Variants in BANK1 observed in about 807,000 individuals in gnomAD.
BANK1 encodes the protein B-cell scaffold protein with ankyrin repeats.
A neutral mutation model predicts 94.5 loss-of-function variants in BANK1; 95 were observed. The observed-to-expected ratio is 1.00, with a 90% CI of 0.85 to 1.19. BANK1 has a LOEUF of 1.19. Among genes scored for constraint, BANK1 ranks in the 50% most tolerant of loss-of-function variants. BANK1 has a pLI of 0.00. For missense variants in BANK1, 987 were observed against 932.2 expected, an observed-to-expected ratio of 1.06 and a Z score of -0.77; for synonymous variants, 334 against 308.4, an observed-to-expected ratio of 1.08 and a Z score of -0.87.
chr4:101,797,192 A>T (rs906587539), intron 1 of BANK1, among the ~76,000 whole-genome samples: 1 of 150,044 alleles, frequency 6.7e-6, no homozygotes, highest in Admixed American at 6.6e-5. Context: ...TGACAGGAAC[A>T]AATTAATAAA....
At chr4:101,933,707 G>A (rs992471537) in intron 7 of BANK1, among the ~76,000 whole-genome samples, 2 of 151,536 alleles carry the variant, frequency 1.3e-5, no homozygotes, top group African/African-American at 4.8e-5. Context: ...CATCAACTGT[G>A]TAGCAGTGGA....
At chr4:102,012,870 C>T (rs1392106387) in intron 7 of BANK1, among the ~76,000 whole-genome samples, 1 of 151,956 alleles carries the variant, frequency 6.6e-6, no homozygotes, top group Non-Finnish European at 1.5e-5. Flanking sequence ...TAAATGTAAA[C>T]CTGGGTTCCT....
At position 102,021,528 on chromosome 4, in the gene BANK1, CATAA is replaced by C; in HGVS notation, c.1226_1229del (p.Asn409MetfsTer64). ...ATTTTTTTCAGATCCAAGAAATTGA[CATAA>C]ATAATGAGCAAGAAAATGATTATGA... On this transcript the variant is annotated frameshift_variant, in exon 8 of 17. Coordinates refer to ENST00000322953, the MANE Select transcript of BANK1 (RefSeq NM_017935.5). LOFTEE classifies it high-confidence loss of function. The C allele has an allele frequency of 6.9e-7, 1 of 1,444,962 alleles. No homozygotes were observed. The highest frequency in any genetic ancestry group is 9.3e-7 in the Non-Finnish European group (1 of 1,069,540). The allele number at this position is 1,444,962 out of a possible 1,614,324, so 89.5% of individuals were successfully genotyped here. A position where few individuals can be genotyped will look rare whatever the true frequency, so the allele number is the denominator to read the frequency against.
At chr4:101,897,599 C>T (rs1008889724) in intron 6 of BANK1, among the ~76,000 whole-genome samples, 1 of 152,022 alleles carries the variant, frequency 6.6e-6, no homozygotes, top group Admixed American at 6.6e-5. Flanking sequence ...GATGCTGCTA[C>T]ACCTCATACC....
chr4:101,861,527 G>T (rs2148877042), intron 3 of BANK1, among the ~76,000 whole-genome samples: 1 of 151,974 alleles, frequency 6.6e-6, no homozygotes, highest in South Asian at 2.1e-4. Flanking sequence ...TTTTTCATGG[G>T]GTTCGACAGC....
intron 10 of BANK1, 113 bp from the exon 11 acceptor site, chr4:102,043,726 G>T: frequency 1.7e-6 from 1 of 588,080 alleles, no homozygotes. Flanking sequence ...TACAATTCAG[G>T]AACTGATACT....
rs13144307 is a variant in BANK1 at position 101,876,783 on chromosome 4, G to A, written c.903+6139G>A. On this transcript the variant is annotated intron_variant, in intron 5 of 16. Transcript: ENST00000322953. ...CTCAAAATAGCTGTTTTGAGGAAAC[G>A]CAAAGAAATTCAAGGAACACAGAGA... is the stretch of plus-strand genomic sequence containing the variant. Among the ~76,000 whole-genome samples the A allele has an allele frequency of 3.6e-4, 54 of 152,060 alleles. No homozygotes were observed. The East Asian group carries it at 9.7e-3, about 27-fold the overall frequency.
At chr4:101,982,429 A>C (rs1375058918) in intron 7 of BANK1, among the ~76,000 whole-genome samples, 1 of 151,954 alleles carries the variant, frequency 6.6e-6, no homozygotes. Flanking sequence ...AGTTTAGTAG[A>C]GAATTCTTTT....
At chr4:101,794,817 A>G (rs1725099823) in intron 1 of BANK1, among the ~76,000 whole-genome samples, 2 of 123,698 alleles carry the variant, frequency 1.6e-5, no homozygotes, top group African/African-American at 3.2e-5. Flanking sequence ...CTCTTTAATC[A>G]TGAAGAGTAA....
chr4:101,836,934 C>T (rs1726852388), intron 2 of BANK1, among the ~76,000 whole-genome samples: 1 of 152,102 alleles, frequency 6.6e-6, no homozygotes, highest in African/African-American at 2.4e-5. Context: ...ATCTCCGTGC[C>T]CATTTCTCAT....
At chr4:102,011,829 A>G (rs1225811024) in intron 7 of BANK1, among the ~76,000 whole-genome samples, 2 of 152,144 alleles carry the variant, frequency 1.3e-5, no homozygotes, top group Admixed American at 6.5e-5. Context: ...TGGGTTCATG[A>G]AATGTATTTC....
chr4:101,873,707 T>C (rs1728386359), intron 5 of BANK1, among the ~76,000 whole-genome samples: 1 of 152,142 alleles, frequency 6.6e-6, no homozygotes, highest in African/African-American at 2.4e-5. Flanking sequence ...TCCCAGAACA[T>C]AGCCTCATAA....
intron 5 of BANK1, among the ~76,000 whole-genome samples, chr4:101,873,923 T>G (rs1728394061): frequency 6.6e-6 from 1 of 152,152 alleles, no homozygotes; most frequent in African/African-American, 2.4e-5. Context: ...TAAAGTTAAC[T>G]TTGTAACTAG....
At chr4:101,869,744 AT>A (rs1728213273) in intron 4 of BANK1, among the ~76,000 whole-genome samples, 1 of 151,968 alleles carries the variant, frequency 6.6e-6, no homozygotes, top group Admixed American at 6.6e-5. Flanking sequence ...AGCACTTAAA[AT>A]TTGTTCCACA....
chr4:101,933,746 A>G (rs1278819721), intron 7 of BANK1, among the ~76,000 whole-genome samples: 1 of 151,480 alleles, frequency 6.6e-6, no homozygotes, highest in Non-Finnish European at 1.5e-5. Context: ...AAGAGTGAGA[A>G]TTCTGTCTCA....
chr4:101,852,470 CTATATATATATATATATATA>C lies in BANK1; in HGVS notation c.470-2550_470-2531del, dbSNP rs541955636. 7.3e-4 allele frequency among the ~76,000 whole-genome samples: 76 copies of C among 103,768 alleles called. 1 individual carries two copies. Among genetic ancestry groups the C allele is most frequent in the Admixed American group, 7.3e-3 (68 of 9,314 alleles). The allele number at this position is 103,768 out of a possible 152,430, so 68.1% of individuals were successfully genotyped here. A position where few individuals can be genotyped will look rare whatever the true frequency, so the allele number is the denominator to read the frequency against. ...GAAAGAACCACTCAATATTTTTCGG[CTATATATATATATATATATA>C]TATATATATATATACACACACACAT... On this transcript the variant is annotated intron_variant, in intron 2 of 16. Coordinates refer to ENST00000322953, the MANE Select transcript of BANK1 (RefSeq NM_017935.5).
intron 1 of BANK1, among the ~76,000 whole-genome samples, chr4:101,802,455 A>G (rs1725386262): frequency 6.6e-6 from 1 of 152,224 alleles, no homozygotes; most frequent in African/African-American, 2.4e-5. Flanking sequence ...TGAGCAACAT[A>G]TGGGTAATTA....
intron 7 of BANK1, among the ~76,000 whole-genome samples, chr4:101,944,794 A>G (rs1181210374): frequency 6.6e-6 from 1 of 151,956 alleles, no homozygotes; most frequent in Non-Finnish European, 1.5e-5. Flanking sequence ...GAAGAGCTGA[A>G]TGCAGTTGTG....
chr4:101,834,520 G>C (rs993369780), intron 2 of BANK1, among the ~76,000 whole-genome samples: 1 of 152,066 alleles, frequency 6.6e-6, no homozygotes, highest in Non-Finnish European at 1.5e-5. Flanking sequence ...TGAAGAAATT[G>C]GTTCTATTTG....
Sources: allele counts gnomAD v4.1 joint callset (sites outside exome capture counted in the v4.1 genomes callset), GRCh38; gene constraint gnomAD v4.1.1; transcripts MANE v1.5; gene names NCBI Gene and HGNC (gene_info 2026-07-23, HGNC 2026-07-21).